Variants in FBXL7 observed in about 807,000 individuals in gnomAD.
FBXL7 encodes F-box and leucine rich repeat protein 7, also known as F-box/LRR-repeat protein 7.
A neutral mutation model predicts 38.3 loss-of-function variants in FBXL7; 12 were observed. That is an observed-to-expected ratio of 0.31 (90% CI 0.20 to 0.51). The LOEUF is 0.51. Ranked by LOEUF, FBXL7 falls within the 20% of genes least tolerant of loss-of-function variation. FBXL7 has a pLI of 0.98. For synonymous variants in FBXL7, 297 were observed against 300.9 expected (o/e 0.99, Z 0.13); for missense variants, 567 against 676.4 (o/e 0.84, Z 1.79).
intron 2 of FBXL7, among the ~76,000 whole-genome samples, chr5:15,855,209 TGTG>T (rs1739220907): frequency 6.6e-6 from 1 of 152,200 alleles, no homozygotes; most frequent in Admixed American, 6.5e-5. Context: ...AACAAAATTT[TGTG>T]CATTTTTATT....
rs116177263 is a variant in FBXL7, at chr5:15,731,734, C to T, written c.127+115662C>T. 1.8e-3 allele frequency among the ~76,000 whole-genome samples: 278 copies of T among 152,086 alleles called. 2 individuals carry two copies. Among genetic ancestry groups the T allele is most frequent in the African/African-American group, 5.7e-3 (236 of 41,464 alleles). ...TAATACATGGATTACCTTTTCATGC[C>T]GAGAGTTCTGTTAGTAAATCAAGAT... On this transcript the variant is annotated intron_variant, in intron 2 of 3. Coordinates refer to ENST00000504595, the MANE Select transcript of FBXL7 (RefSeq NM_012304.5).
At chr5:15,898,990 T>A in intron 2 of FBXL7, among the ~76,000 whole-genome samples, 1 of 152,178 alleles carries the variant, frequency 6.6e-6, no homozygotes. Context: ...TATAAATGTG[T>A]GTGAGATATG....
intron 2 of FBXL7, among the ~76,000 whole-genome samples, chr5:15,623,896 C>T (rs1215835737): frequency 6.6e-6 from 1 of 152,252 alleles, no homozygotes; most frequent in South Asian, 2.1e-4. Context: ...ATCAGTTGGG[C>T]TGTATTTCAT....
At chr5:15,540,691 C>T (rs1020665669) in intron 1 of FBXL7, among the ~76,000 whole-genome samples, 6 of 152,160 alleles carry the variant, frequency 3.9e-5, no homozygotes, top group Non-Finnish European at 4.4e-5. Flanking sequence ...GGAGGCTGAA[C>T]GTCTAAGATC....
At chr5:15,685,651 C>T (rs555622398) in intron 2 of FBXL7, among the ~76,000 whole-genome samples, 10 of 152,206 alleles carry the variant, frequency 6.6e-5, no homozygotes, top group Non-Finnish European at 1.2e-4. Flanking sequence ...AGTTCAGGTC[C>T]CAGCTTTGCT....
In FBXL7 at chr5:15,921,380, C is replaced by CAA. The variant is rs56077834; in HGVS notation, c.128-6492_128-6491dup. 3.2e-3 allele frequency among the ~76,000 whole-genome samples: 396 copies of CAA among 124,654 alleles called. 3 individuals carry two copies. Among genetic ancestry groups the CAA allele is most frequent in the African/African-American group, 0.011 (383 of 33,956 alleles). The allele number at this position is 124,654 out of a possible 152,430, so 81.8% of individuals were successfully genotyped here. On this transcript the variant is annotated intron_variant, in intron 2 of 3. Coordinates refer to ENST00000504595, the MANE Select transcript of FBXL7 (RefSeq NM_012304.5). ...TGGGTGACAGAACAAGACTCCATCT[C>CAA]AAAAAAAAAAAAAAAAAAATCAACC...
chr5:15,852,085 A>G (rs946105780), intron 2 of FBXL7, among the ~76,000 whole-genome samples: 1 of 152,052 alleles, frequency 6.6e-6, no homozygotes, highest in African/African-American at 2.4e-5. Flanking sequence ...TAGGGAGCTG[A>G]CATCTTGGTG....
chr5:15,897,162 C>A (rs1741123915), intron 2 of FBXL7, among the ~76,000 whole-genome samples: 1 of 151,466 alleles, frequency 6.6e-6, no homozygotes, highest in Non-Finnish European at 1.5e-5. Context: ...ATTTTTTTTT[C>A]ATAAACATAG....
intron 2 of FBXL7, among the ~76,000 whole-genome samples, chr5:15,628,724 A>G (rs1561059348): frequency 6.6e-6 from 1 of 152,176 alleles, no homozygotes; most frequent in Admixed American, 6.6e-5. Flanking sequence ...ACTGTATATT[A>G]ACTGCTCTCT....
rs1172055654 is a variant in FBXL7 at position 15,597,393 on chromosome 5, T to C, written c.38-18590T>C. On this transcript the variant is annotated intron_variant, in intron 1 of 3. Coordinates refer to ENST00000504595, the MANE Select transcript of FBXL7 (RefSeq NM_012304.5). Reference sequence around the variant, plus strand: ...ACTTAGGCCCAAATACTTGATTGCATCTCATTTTTATAAAAGATATATAAA... The same window carrying C: ...ACTTAGGCCCAAATACTTGATTGCACCTCATTTTTATAAAAGATATATAAA... 3.3e-5 allele frequency among the ~76,000 whole-genome samples: 5 copies of C among 151,364 alleles called. No individual in the cohort carries two copies. In the Admixed American group the frequency reaches 3.3e-4, roughly 10 times the overall value.
Position 15,936,329 on chromosome 5 carries a change from A to G in FBXL7, c.740-121A>G, listed in dbSNP as rs1742180003. 1 of 1,193,064 alleles carries G rather than the reference A, an allele frequency of 8.4e-7. No individual in the cohort carries two copies. Among genetic ancestry groups the G allele is most frequent in the Non-Finnish European group, 1.1e-6 (1 of 870,074 alleles). 73.9% of individuals were successfully genotyped at this position (1,193,064 alleles called of 1,614,324 possible). On this transcript the variant is annotated intron_variant, in intron 3 of 3. Coordinates refer to ENST00000504595, the MANE Select transcript of FBXL7 (RefSeq NM_012304.5). The surrounding 1 kb of genome is among the most constrained non-coding windows in gnomAD (Gnocchi z 6.0). Reference sequence around the variant, plus strand: ...CCTCTCTATAGAGACCAAGACAGGAAAGGGTAACATCAGCCTCGGACCCAG... The same window carrying G: ...CCTCTCTATAGAGACCAAGACAGGAGAGGGTAACATCAGCCTCGGACCCAG...
chr5:15,825,575 C>A (rs1164727116), intron 2 of FBXL7, among the ~76,000 whole-genome samples: 1 of 152,124 alleles, frequency 6.6e-6, no homozygotes, highest in African/African-American at 2.4e-5. Flanking sequence ...TAAAGTAGAC[C>A]TGTCATGTTT....
intron 2 of FBXL7, among the ~76,000 whole-genome samples, chr5:15,796,605 G>C (rs900331232): frequency 2.6e-5 from 4 of 152,150 alleles, no homozygotes; most frequent in Non-Finnish European, 5.9e-5. Context: ...TTGCAGGAGA[G>C]AAAAACGTCA....
At chr5:15,635,572 G>A (rs1335578680) in intron 2 of FBXL7, among the ~76,000 whole-genome samples, 1 of 152,194 alleles carries the variant, frequency 6.6e-6, no homozygotes, top group African/African-American at 2.4e-5. Context: ...GAGTGGATGG[G>A]TGGGGCAGGA....
chr5:15,739,810 C>T (rs1232117068), intron 2 of FBXL7, among the ~76,000 whole-genome samples: 2 of 152,112 alleles, frequency 1.3e-5, no homozygotes, highest in Admixed American at 6.6e-5. Context: ...CATTTTTTGG[C>T]TTTAATGAGT....
At chr5:15,545,758 C>A (rs1183302756) in intron 1 of FBXL7, among the ~76,000 whole-genome samples, 2 of 152,152 alleles carry the variant, frequency 1.3e-5, no homozygotes, top group Non-Finnish European at 2.9e-5. Context: ...ATGGAATTAG[C>A]TAATTGTGCA....
intron 2 of FBXL7, among the ~76,000 whole-genome samples, chr5:15,807,250 T>C (rs2126748324): frequency 6.6e-6 from 1 of 152,268 alleles, no homozygotes; most frequent in Non-Finnish European, 1.5e-5. Context: ...CCTGATTGCG[T>C]TTCTAAACAG....
chr5:15,897,947 T>A (rs957360326), intron 2 of FBXL7, among the ~76,000 whole-genome samples: 2 of 152,086 alleles, frequency 1.3e-5, no homozygotes, highest in African/African-American at 4.8e-5. Context: ...TTTCATAATG[T>A]CACTGTGACT....
intron 2 of FBXL7, among the ~76,000 whole-genome samples, chr5:15,813,578 G>T (rs575789092): frequency 1.3e-5 from 2 of 152,132 alleles, no homozygotes; most frequent in African/African-American, 2.4e-5. Context: ...TGACAAATGG[G>T]ATCTAATTAA....
Sources: allele counts gnomAD v4.1 joint callset (sites outside exome capture counted in the v4.1 genomes callset), GRCh38; gene constraint gnomAD v4.1.1; non-coding constraint Gnocchi (gnomAD v3.1); transcripts MANE v1.5; gene names NCBI Gene and HGNC (gene_info 2026-07-23, HGNC 2026-07-21).